Variants in SH3BP2 observed in about 807,000 individuals in gnomAD.
SH3BP2 encodes SH3 domain-binding protein 2.
SH3BP2 carries 38 observed loss-of-function variants against 56.2 expected under a neutral mutation model. The observed-to-expected ratio is 0.68, with a 90% CI of 0.52 to 0.89. The LOEUF (loss-of-function observed/expected upper bound fraction) is 0.89. Among genes scored for constraint, SH3BP2 ranks in the 40% least tolerant of loss-of-function variants. The pLI is 0.00. For synonymous variants in SH3BP2, 346 were observed against 316.7 expected, an observed-to-expected ratio of 1.09 and a Z score of -0.98; for missense variants, 748 against 762.6, an observed-to-expected ratio of 0.98 and a Z score of 0.23.
intron 2 of SH3BP2, among the ~76,000 whole-genome samples, chr4:2,821,063 G>A (rs539497468): frequency 3.3e-5 from 5 of 152,292 alleles, no homozygotes; most frequent in South Asian, 4.1e-4. Context: ...CACTGAATCC[G>A]TGAATGTTCA....
At chr4:2,825,224 C>T (rs1432071467) in intron 5 of SH3BP2, 28 bp downstream of exon 5, 2 of 1,549,648 alleles carry the variant, frequency 1.3e-6, no homozygotes, top group Non-Finnish European at 1.8e-6. Flanking sequence ...GCATACCGGG[C>T]AGTGAGGGTC....
chr4:2,828,618 A>G (rs1040547216), intron 7 of SH3BP2, among the ~76,000 whole-genome samples: 1 of 151,992 alleles, frequency 6.6e-6, no homozygotes, highest in African/African-American at 2.4e-5. Context: ...GCCTTGGTGA[A>G]CTCAGACTCC....
At chr4:2,793,734 A>G (rs988543133) in intron 1 of SH3BP2, 3 of 152,088 alleles carry the variant, frequency 2.0e-5, no homozygotes, top group African/African-American at 7.2e-5. Flanking sequence ...AAAGCCGCCC[A>G]CTGGCGCTGA....
Position 2,812,290 on chromosome 4 carries a change from C to T in SH3BP2, c.-4-8324C>T, listed in dbSNP as rs576315012. 7.6e-5 allele frequency: 117 copies of T among 1,545,110 alleles called. No individual in the cohort carries two copies. The South Asian group carries it at 1.3e-3, about 17-fold the overall frequency. ...AGGAAGCACCGGCGGCCACAGGCCT[C>T]AGAAGCAGCAGGAGTGAGCTGTGGG... On this transcript the variant is annotated intron_variant, in intron 1 of 12. Coordinates refer to ENST00000503393, the MANE Select transcript of SH3BP2 (RefSeq NM_001122681.2).
intron 1 of SH3BP2, among the ~76,000 whole-genome samples, chr4:2,815,945 C>A (rs1004025891): frequency 6.6e-6 from 1 of 152,192 alleles, no homozygotes. Context: ...GAAAAGGGAA[C>A]GCTTGAACTA....
At chr4:2,793,249 C>T (rs1261025266) in intron 1 of SH3BP2, 111 bp downstream of exon 1, 11 of 134,594 alleles carry the variant, frequency 8.2e-5, no homozygotes, top group African/African-American at 1.1e-4. Context: ...CTCGGCGGGT[C>T]TCGGGGGTCT....
chr4:2,806,991 T>C (rs947512185), intron 1 of SH3BP2, among the ~76,000 whole-genome samples: 22 of 152,252 alleles, frequency 1.4e-4, no homozygotes, highest in African/African-American at 5.3e-4. Flanking sequence ...TAATTCCCTT[T>C]GTCCGTTGCA....
At chr4:2,816,757 A>G (rs1784148) in intron 1 of SH3BP2, among the ~76,000 whole-genome samples, 76,948 of 152,100 alleles carry the variant, frequency 0.51, 19,786 homozygotes, top group Admixed American at 0.64. Context: ...TGAATATTAA[A>G]CCATCCTTGT....
chr4:2,835,157 G>C lies in SH3BP2; in HGVS notation c.*1323G>C, dbSNP rs1725188540. On this transcript the variant is annotated 3_prime_UTR_variant, in exon 13 of 13. Coordinates refer to ENST00000503393, the MANE Select transcript of SH3BP2 (RefSeq NM_001122681.2). ...TGATTTTTCTTAGCACCTTATGTCA[G>C]GGAAACCTAAACTGAGGTCAGCACT... is the stretch of plus-strand genomic sequence containing the variant. 1 of 152,216 alleles carries C rather than the reference G, an allele frequency of 6.6e-6. No individual in the cohort carries two copies. The allele number at this position is 152,216 out of a possible 1,614,324, so 9.4% of individuals were successfully genotyped here. A position where few individuals can be genotyped will look rare whatever the true frequency, so the allele number is the denominator to read the frequency against.
Position 2,829,463 on chromosome 4 carries a change from G to C in SH3BP2, c.587-30G>C, listed in dbSNP as rs750427014. The C allele has an allele frequency of 6.2e-7, 1 of 1,612,190 alleles. No homozygotes were observed. The highest frequency in any genetic ancestry group is 8.5e-7 in the Non-Finnish European group (1 of 1,178,908). ...GATAGTGTTGGCCCAGTCTCTGTCA[G>C]GGTCCAACCCGGGTCTCTTTGCTCT... is the stretch of plus-strand genomic sequence containing the variant. On this transcript the variant is annotated intron_variant, in intron 7 of 12. Transcript: ENST00000503393. This position sits in a 1 kb window ranked among gnomAD's most constrained non-coding sequence, Gnocchi z 4.9.
rs1725378521 is a variant in SH3BP2, at chr4:2,840,306, A to G, written c.*6472A>G. 6.6e-6 allele frequency: 1 copy of G among 151,192 alleles called. No individual in the cohort carries two copies. Among genetic ancestry groups the G allele is most frequent in the African/African-American group, 2.4e-5 (1 of 41,260 alleles). The allele number at this position is 151,192 out of a possible 1,614,324, so 9.4% of individuals were successfully genotyped here. A position where few individuals can be genotyped will look rare whatever the true frequency, so the allele number is the denominator to read the frequency against. ...CAAGGTCATGAAGATAGTCTCTTAG[A>G]TTATATTCTGAAATCCTTATAAATG... is the stretch of plus-strand genomic sequence containing the variant. On this transcript the variant is annotated 3_prime_UTR_variant, in exon 13 of 13. Coordinates refer to ENST00000503393, the MANE Select transcript of SH3BP2 (RefSeq NM_001122681.2).
intron 6 of SH3BP2, 73 bp downstream of exon 6, chr4:2,827,391 G>C (rs1724727478): frequency 5.6e-6 from 8 of 1,416,292 alleles, no homozygotes; most frequent in Non-Finnish European, 8.0e-6. Flanking sequence ...CTGTGGAGGA[G>C]AGGGAGGTGT....
At chr4:2,805,006 T>C (rs1577340109) in intron 1 of SH3BP2, among the ~76,000 whole-genome samples, 1 of 152,160 alleles carries the variant, frequency 6.6e-6, no homozygotes, top group African/African-American at 2.4e-5. Context: ...TCCCTGCCCC[T>C]CCCTTGGTCC....
At chr4:2,820,146 G>A (rs549745160) in intron 1 of SH3BP2, among the ~76,000 whole-genome samples, 13 of 152,320 alleles carry the variant, frequency 8.5e-5, no homozygotes, top group South Asian at 6.2e-4. Context: ...AGCCCAGGTC[G>A]TTTGAGCTGG....
chr4:2,813,781 G>A (rs1723868430), intron 1 of SH3BP2, among the ~76,000 whole-genome samples: 1 of 152,192 alleles, frequency 6.6e-6, no homozygotes, highest in South Asian at 2.1e-4. Flanking sequence ...GTGCATGAGT[G>A]TGTATGAGAA....
intron 3 of SH3BP2, chr4:2,823,723 C>T (rs2108729462): frequency 2.9e-6 from 1 of 346,632 alleles, no homozygotes; most frequent in Middle Eastern, 1.0e-3. Context: ...TTATCTATGC[C>T]TCTTACCACC....
Position 2,830,147 on chromosome 4 carries a change from A to T in SH3BP2, c.1241A>T (p.Gln414Leu). 1 of 1,599,374 alleles carries T rather than the reference A, an allele frequency of 6.3e-7. No homozygotes were observed. The highest frequency in any genetic ancestry group is 8.5e-7 in the Non-Finnish European group (1 of 1,179,220). The change falls in exon 8 of 13, where the codon CAG (glutamine) becomes CTG (leucine). Residue 414 changes from glutamine to leucine, a missense_variant and splice_region_variant. Physicochemically the swap from Gln to Leu is moderately radical, Grantham distance 113. Around this residue, in one of 3 missense-constraint regions of SH3BP2, gnomAD observed 635 missense variants for 615.0 expected, o/e 1.03. Transcript: ENST00000503393. ...GAGAAGCCGCAGCTCCCGCACCTCC[A>T]GTGAGTTTGTGTGGCGGCTGCAAGC... The part of the protein sequence containing the change: ...RPEKPQLPHL[Q>L]RSPPDGQSFR...
At chr4:2,805,782 G>A (rs537683285) in intron 1 of SH3BP2, among the ~76,000 whole-genome samples, 2 of 152,336 alleles carry the variant, frequency 1.3e-5, no homozygotes, top group South Asian at 2.1e-4. Flanking sequence ...GCCCAGGGGA[G>A]TGTGGTCTAG....
At chr4:2,811,170 G>A (rs928334521) in intron 1 of SH3BP2, among the ~76,000 whole-genome samples, 4 of 152,248 alleles carry the variant, frequency 2.6e-5, no homozygotes, top group African/African-American at 9.6e-5. Flanking sequence ...TGGGGAGACG[G>A]AGCTCCTTAG....
Sources: gnomAD v4.1 joint callset for allele counts (sites outside exome capture counted in the v4.1 genomes callset) on GRCh38, gnomAD v4.1.1 for gene constraint, gnomAD v4.1.1 regional missense constraint, Gnocchi (gnomAD v3.1) non-coding constraint, MANE v1.5 for transcripts, NCBI Gene and HGNC (gene_info 2026-07-23, HGNC 2026-07-21) for gene names.